RGS17: variants seen among roughly 807,000 people sequenced by gnomAD.
The protein encoded by RGS17 is regulator of G-protein signaling 17.
RGS17 carries 12 observed loss-of-function variants against 25.5 expected under a neutral mutation model. The observed-to-expected ratio is 0.47, with a 90% CI of 0.30 to 0.76. The LOEUF (loss-of-function observed/expected upper bound fraction) is 0.76. Among genes scored for constraint, RGS17 ranks in the 30% least tolerant of loss-of-function variants. RGS17 has a pLI of 0.07. For missense variants in RGS17, 196 were observed against 242.2 expected (o/e 0.81, Z 1.27); for synonymous variants, 71 against 76.9 (o/e 0.92, Z 0.40).
chr6:153,050,996 T>A (rs953914458), intron 1 of RGS17, among the ~76,000 whole-genome samples: 13 of 152,186 alleles, frequency 8.5e-5, no homozygotes, highest in African/African-American at 3.1e-4. Flanking sequence ...TCTTCTTCTC[T>A]CCATGTGAGG....
At chr6:153,114,768 G>A (rs1232109583) in intron 1 of RGS17, among the ~76,000 whole-genome samples, 1 of 152,168 alleles carries the variant, frequency 6.6e-6, no homozygotes, top group Admixed American at 6.5e-5. Context: ...TGCAAGGCTA[G>A]TTCAACATAT....
intron 1 of RGS17, among the ~76,000 whole-genome samples, chr6:153,096,593 C>T (rs1777216807): frequency 6.6e-6 from 1 of 152,166 alleles, no homozygotes; most frequent in Admixed American, 6.5e-5. Flanking sequence ...TCTCAAGTCC[C>T]TTCCAATTCA....
chr6:153,107,578 G>A (rs886265504), intron 1 of RGS17, among the ~76,000 whole-genome samples: 2 of 151,820 alleles, frequency 1.3e-5, no homozygotes, highest in Non-Finnish European at 2.9e-5. Flanking sequence ...ACTTCTTAAA[G>A]CCTATATTAT....
chr6:153,032,192 A>G (rs953471676), intron 2 of RGS17, among the ~76,000 whole-genome samples: 3 of 152,234 alleles, frequency 2.0e-5, no homozygotes, highest in Non-Finnish European at 2.9e-5. Context: ...TAGAAACTCA[A>G]TGTTAAACCT....
chr6:153,120,365 TCATAGGCTAAAATG>T (rs1660173686), intron 1 of RGS17, among the ~76,000 whole-genome samples: 1 of 152,206 alleles, frequency 6.6e-6, no homozygotes, highest in South Asian at 2.1e-4. Flanking sequence ...TTTCCCAGAC[TCATAGGCTAAAATG>T]CTCCCTGACA....
At chr6:153,017,299 A>G (rs1001604258) in intron 4 of RGS17, among the ~76,000 whole-genome samples, 13 of 152,136 alleles carry the variant, frequency 8.5e-5, no homozygotes, top group African/African-American at 3.1e-4. Flanking sequence ...GTGAACTTGG[A>G]AGCATTCATT....
At chr6:153,099,363 T>C (rs1777261621) in intron 1 of RGS17, among the ~76,000 whole-genome samples, 1 of 152,234 alleles carries the variant, frequency 6.6e-6, no homozygotes, top group African/African-American at 2.4e-5. Context: ...GAAGACTTAG[T>C]GGAGAATATT....
chr6:153,024,579 A>G, intron 3 of RGS17, 83 bp from the exon 4 acceptor site: 3 of 1,014,512 alleles, frequency 3.0e-6, no homozygotes, highest in Non-Finnish European at 4.5e-6. Context: ...GAGCAGATAG[A>G]AATTCTATCA....
At chr6:153,121,562 C>T in intron 1 of RGS17, among the ~76,000 whole-genome samples, 1 of 152,074 alleles carries the variant, frequency 6.6e-6, no homozygotes, top group Non-Finnish European at 1.5e-5. Context: ...CTTGTTACTC[C>T]CCCAAAGTCT....
At chr6:153,027,482 C>G (rs1285020142) in intron 2 of RGS17, among the ~76,000 whole-genome samples, 1 of 151,972 alleles carries the variant, frequency 6.6e-6, no homozygotes, top group Admixed American at 6.6e-5. Flanking sequence ...TGTCTAGAAG[C>G]CGAGGAGCTT....
chr6:153,052,681 T>A lies in RGS17; in HGVS notation c.-25-8638A>T, dbSNP rs150872573. The stretch of plus-strand genomic sequence containing the variant: ...ACTTGAGAACCAATGCTAGAACAAG[T>A]TAAGACTTTTGAGGCTACTGGGATG... On this transcript the variant is annotated intron_variant, in intron 1 of 4. Transcript: ENST00000206262. 9.8e-4 allele frequency among the ~76,000 whole-genome samples: 149 copies of A among 152,214 alleles called. 1 individual carries two copies. The highest frequency in any genetic ancestry group is 3.3e-3 in the African/African-American group (137 of 41,560).
intron 2 of RGS17, among the ~76,000 whole-genome samples, chr6:153,028,603 G>C (rs187634881): frequency 6.6e-6 from 1 of 151,734 alleles, no homozygotes; most frequent in Non-Finnish European, 1.5e-5. Context: ...AAAGTGGATG[G>C]GGGGGGATAC....
intron 2 of RGS17, among the ~76,000 whole-genome samples, chr6:153,042,774 G>A (rs1412654639): frequency 6.6e-6 from 1 of 152,134 alleles, no homozygotes; most frequent in Non-Finnish European, 1.5e-5. Flanking sequence ...TCGTCACCAA[G>A]GTTACCACTC....
chr6:153,027,688 G>T (rs573292284), intron 2 of RGS17, among the ~76,000 whole-genome samples: 45 of 152,272 alleles, frequency 3.0e-4, no homozygotes, highest in African/African-American at 1.1e-3. Flanking sequence ...ACCCGTCTGG[G>T]AGGCTGGCCC....
chr6:153,031,190 C>T (rs914854459), intron 2 of RGS17, among the ~76,000 whole-genome samples: 6 of 152,154 alleles, frequency 3.9e-5, no homozygotes, highest in Non-Finnish European at 5.9e-5. Context: ...GTAGAATATA[C>T]CTCCTTTAGG....
intron 1 of RGS17, among the ~76,000 whole-genome samples, chr6:153,069,464 G>A (rs13219356): frequency 1.3e-5 from 2 of 152,108 alleles, no homozygotes; most frequent in East Asian, 1.9e-4. Context: ...GAAGGGTATT[G>A]GGGTGTGGGG....
rs1044814158 is a variant in RGS17 at position 153,008,009 on chromosome 6, A to G, written c.*3565T>C. ...TCTAATAATTGGTATTTTTTGAGAT[A>G]TAATTTGTCACAATTACAATATGAT... is the stretch of plus-strand genomic sequence containing the variant. On this transcript the variant is annotated 3_prime_UTR_variant, in exon 5 of 5. Coordinates refer to ENST00000206262, the MANE Select transcript of RGS17 (RefSeq NM_012419.5). 2 of 152,294 alleles carry G rather than the reference A, an allele frequency of 1.3e-5. No individual in the cohort carries two copies. Among genetic ancestry groups the G allele is most frequent in the African/African-American group, 2.4e-5 (1 of 41,580 alleles). The allele number at this position is 152,294 out of a possible 1,614,324, so 9.4% of individuals were successfully genotyped here.
At chr6:153,091,074 T>G (rs978450160) in intron 1 of RGS17, among the ~76,000 whole-genome samples, 6 of 152,314 alleles carry the variant, frequency 3.9e-5, no homozygotes, top group Non-Finnish European at 8.8e-5. Flanking sequence ...TGTAAACATT[T>G]ATATATATTT....
intron 1 of RGS17, among the ~76,000 whole-genome samples, chr6:153,061,779 AT>A (rs200634812): frequency 2.6e-5 from 4 of 151,930 alleles, no homozygotes; most frequent in Non-Finnish European, 4.4e-5. Flanking sequence ...CCTATATGTT[AT>A]TTTTTTTACA....
Sources: allele counts gnomAD v4.1 joint callset (sites outside exome capture counted in the v4.1 genomes callset), GRCh38; gene constraint gnomAD v4.1.1; transcripts MANE v1.5; gene names NCBI Gene and HGNC (gene_info 2026-07-23, HGNC 2026-07-21).